The following C8A variants were observed in gnomAD, a reference collection of about 807,000 sequenced individuals.
C8A encodes complement C8 alpha chain.
Under a neutral mutation model 65.3 loss-of-function variants are expected in C8A, and 67 were observed. The ratio of observed to expected loss-of-function variants is 1.03; its 90% CI spans 0.84 to 1.26. The LOEUF (loss-of-function observed/expected upper bound fraction) is 1.26. Among genes scored for constraint, C8A ranks in the 50% most tolerant of loss-of-function variants. The probability of loss-of-function intolerance (pLI) is 0.00; values close to 1 mark genes in which losing one functional copy is unlikely to be tolerated. For synonymous variants in C8A, 290 were observed against 259.4 expected (o/e 1.12, Z -1.13); for missense variants, 781 against 723.9 (o/e 1.08, Z -0.90).
At chr1:56,909,731 A>G (rs577398803) in intron 9 of C8A, among the ~76,000 whole-genome samples, 1 of 152,272 alleles carries the variant, frequency 6.6e-6, no homozygotes, top group African/African-American at 2.4e-5. Flanking sequence ...TGCTTTTTCA[A>G]TGTGTGACCT....
chr1:56,889,502 T>G (rs1318451682), intron 7 of C8A, among the ~76,000 whole-genome samples: 1 of 152,138 alleles, frequency 6.6e-6, no homozygotes, highest in African/African-American at 2.4e-5. Flanking sequence ...CTCATTCCGT[T>G]TCTTTCTAGG....
intron 10 of C8A, among the ~76,000 whole-genome samples, chr1:56,915,540 T>C (rs1461872875): frequency 6.6e-6 from 1 of 152,178 alleles, no homozygotes; most frequent in African/African-American, 2.4e-5. Flanking sequence ...CATTTTCCCA[T>C]TGGCCAGGCA....
chr1:56,863,552 T>G (rs1466778183), intron 1 of C8A, among the ~76,000 whole-genome samples: 1 of 152,200 alleles, frequency 6.6e-6, no homozygotes, highest in African/African-American at 2.4e-5. Flanking sequence ...TTGACAATTG[T>G]GTAGTGAGAT....
At chr1:56,912,767 C>T (rs1644519980) in intron 10 of C8A, 142 bp downstream of exon 10, 2 of 733,572 alleles carry the variant, frequency 2.7e-6, no homozygotes, top group Admixed American at 4.3e-5. Context: ...AGTTCTGTTA[C>T]TCACCCATCA....
chr1:56,872,834 G>A (rs1259696625), intron 2 of C8A, among the ~76,000 whole-genome samples: 1 of 151,860 alleles, frequency 6.6e-6, no homozygotes, highest in African/African-American at 2.4e-5. Flanking sequence ...TTGGAACAGA[G>A]GAAGTAACAG....
chr1:56,880,959 T>C (rs892248651), intron 4 of C8A, among the ~76,000 whole-genome samples: 1 of 152,174 alleles, frequency 6.6e-6, no homozygotes, highest in Admixed American at 6.5e-5. Flanking sequence ...CTTGGATTCA[T>C]GATAATTGCA....
intron 7 of C8A, among the ~76,000 whole-genome samples, chr1:56,886,378 C>T (rs771307625): frequency 8.5e-5 from 13 of 152,174 alleles, no homozygotes; most frequent in Non-Finnish European, 1.8e-4. Context: ...GATTTGAGCT[C>T]AGACTTGTCT....
intron 7 of C8A, among the ~76,000 whole-genome samples, chr1:56,901,220 G>C (rs1052139100): frequency 1.3e-5 from 2 of 152,176 alleles, no homozygotes; most frequent in Non-Finnish European, 2.9e-5. Flanking sequence ...TTCTGAGGCT[G>C]TCTTTGGGGG....
In C8A at chr1:56,912,558, C is replaced by T; in HGVS notation, c.1536C>T (p.Gly512=). 1.2e-6 allele frequency: 2 copies of T among 1,614,202 alleles called. No homozygotes were observed. The highest frequency in any genetic ancestry group is 1.3e-5 in the African/African-American group (1 of 75,056). The change falls in exon 10 of 11, where the codon GGC becomes GGT. Residue 512 remains glycine (G), a synonymous_variant. Transcript: ENST00000361249. The part of the protein sequence containing the change: ...CFNNGVPILE[G]TSCRCQCRLG... ...ACAATGGGGTGCCCATCCTCGAGGG[C>T]ACCAGCTGCAGGTGCCAGTGCCGCC...
rs946936933 is a variant in C8A at position 56,885,141 on chromosome 1, T to C, written c.856-786T>C. Among the ~76,000 whole-genome samples the C allele has an allele frequency of 4.0e-5, 6 of 151,432 alleles. No individual in the cohort carries two copies. The South Asian group carries it at 1.2e-3, about 31-fold the overall frequency. ...GGTGAGAGCTGATGAGAACTTGACC[T>C]AGGCAGGGGCAATGGGAACAGAGAT... On this transcript the variant is annotated intron_variant, in intron 6 of 10. Coordinates refer to ENST00000361249, the MANE Select transcript of C8A (RefSeq NM_000562.3).
chr1:56,891,140 G>A (rs1644341794), intron 7 of C8A, among the ~76,000 whole-genome samples: 1 of 152,072 alleles, frequency 6.6e-6, no homozygotes, highest in Non-Finnish European at 1.5e-5. Flanking sequence ...GGATGATCTG[G>A]GAATGTCTGT....
chr1:56,870,995 G>A (rs1366420153), intron 2 of C8A, among the ~76,000 whole-genome samples: 2 of 152,054 alleles, frequency 1.3e-5, no homozygotes, highest in African/African-American at 2.4e-5. Flanking sequence ...GGGAATATTG[G>A]CACCAACCTT....
intron 7 of C8A, among the ~76,000 whole-genome samples, chr1:56,893,363 A>T (rs866808274): frequency 1.2e-4 from 18 of 152,180 alleles, no homozygotes; most frequent in Admixed American, 3.3e-4. Flanking sequence ...GAAACATGCC[A>T]GTGACATGGT....
At chr1:56,861,167 T>C (rs1644029995) in intron 1 of C8A, among the ~76,000 whole-genome samples, 1 of 152,198 alleles carries the variant, frequency 6.6e-6, no homozygotes, top group African/African-American at 2.4e-5. Flanking sequence ...ATATGCCAGG[T>C]ACTGTTCTGG....
rs144091256 is a variant in C8A at position 56,869,884 on chromosome 1, A to G, written c.171+2182A>G. ...GAATGGTCATCCTGCCTCCAGACCCACCACTCAGTTAGTGAGGTGCTCTGG... is the reference window on the plus strand; with the variant it reads ...GAATGGTCATCCTGCCTCCAGACCCGCCACTCAGTTAGTGAGGTGCTCTGG... On this transcript the variant is annotated intron_variant, in intron 2 of 10. Coordinates refer to ENST00000361249, the MANE Select transcript of C8A (RefSeq NM_000562.3). Among the ~76,000 whole-genome samples, 787 of 152,282 alleles carry G rather than the reference A, an allele frequency of 5.2e-3. 13 individuals carry two copies. The highest frequency in any genetic ancestry group is 0.018 in the African/African-American group (742 of 41,560).
Position 56,854,972 on chromosome 1 carries a change from T to C in C8A, c.71T>C (p.Val24Ala), listed in dbSNP as rs1399841328. 6.2e-7 allele frequency: 1 copy of C among 1,613,388 alleles called. No homozygotes were observed. The highest frequency in any genetic ancestry group is 1.3e-5 in the African/African-American group (1 of 75,024). The change falls in exon 1 of 11, where the codon GTG becomes GCG. Residue 24 changes from valine to alanine, a missense_variant. By Grantham distance (64) the Val-to-Ala change is moderately conservative (BLOSUM62 0). Transcript: ENST00000361249. ...CCTGGGGTAACTGCACAGGAGAAGG[T>C]GAACCAGTAAGTGGGCCATATGTCT... is the stretch of plus-strand genomic sequence containing the variant. Reference protein sequence around the residue: ...CQPGVTAQEKVNQRVRRAATP... With the variant: ...CQPGVTAQEKANQRVRRAATP...
intron 7 of C8A, among the ~76,000 whole-genome samples, chr1:56,894,319 G>T (rs1006479495): frequency 1.3e-5 from 2 of 152,068 alleles, no homozygotes; most frequent in African/African-American, 4.8e-5. Context: ...TTTGATCAAG[G>T]TCATTCATTT....
At chr1:56,916,059 A>T (rs1021168757) in intron 10 of C8A, among the ~76,000 whole-genome samples, 1 of 152,096 alleles carries the variant, frequency 6.6e-6, no homozygotes, top group East Asian at 1.9e-4. Flanking sequence ...AAGAAGGGGG[A>T]GTGTGGGCTA....
At chr1:56,895,938 G>A (rs1369118401) in intron 7 of C8A, among the ~76,000 whole-genome samples, 2 of 152,030 alleles carry the variant, frequency 1.3e-5, no homozygotes, top group African/African-American at 2.4e-5. Context: ...AACAGAGAGA[G>A]GCCCTGTCTC....
Sources: gnomAD v4.1 joint callset for allele counts (sites outside exome capture counted in the v4.1 genomes callset) on GRCh38, gnomAD v4.1.1 for gene constraint, MANE v1.5 for transcripts, NCBI Gene and HGNC (gene_info 2026-07-23, HGNC 2026-07-21) for gene names.